Variants in TMEM38B observed in about 807,000 individuals in gnomAD.
TMEM38B encodes transmembrane protein 38B.
TMEM38B carries 24 observed loss-of-function variants against 28.7 expected under a neutral mutation model. The observed-to-expected ratio is 0.84, with a 90% confidence interval of 0.61 to 1.18. The LOEUF (loss-of-function observed/expected upper bound fraction) is 1.18. Among genes scored for constraint, TMEM38B ranks in the 50% most tolerant of loss-of-function variants. The pLI, the probability that TMEM38B is intolerant of heterozygous loss-of-function variation, is 0.00. For missense variants in TMEM38B, 380 were observed against 350.9 expected, an observed-to-expected ratio of 1.08 and a Z score of -0.66; for synonymous variants, 131 against 127.7, an observed-to-expected ratio of 1.03 and a Z score of -0.17.
chr9:105,762,400 CT>C (rs1185708148), intron 5 of TMEM38B, among the ~76,000 whole-genome samples: 106 of 115,228 alleles, frequency 9.2e-4, no homozygotes, highest in African/African-American at 3.2e-3. Flanking sequence ...AATGCTATCC[CT>C]CCCCCCTCCC....
At chr9:105,732,447 A>G (rs1836785525) in intron 4 of TMEM38B, among the ~76,000 whole-genome samples, 2 of 152,188 alleles carry the variant, frequency 1.3e-5, no homozygotes, top group South Asian at 4.1e-4. Context: ...TTTAGGTCTA[A>G]CATTTCAGTC....
intron 4 of TMEM38B, among the ~76,000 whole-genome samples, chr9:105,730,616 A>T (rs1363254040): frequency 6.6e-6 from 1 of 152,142 alleles, no homozygotes; most frequent in African/African-American, 2.4e-5. Flanking sequence ...TTTTCTGTTG[A>T]TTAGAATAGT....
At chr9:105,761,841 G>A (rs944710724) in intron 5 of TMEM38B, among the ~76,000 whole-genome samples, 2 of 152,126 alleles carry the variant, frequency 1.3e-5, no homozygotes, top group Admixed American at 1.3e-4. Context: ...CCAACTGTGA[G>A]AATCAATGTC....
chr9:105,760,154 A>G (rs1347037384), intron 5 of TMEM38B: 2 of 885,826 alleles, frequency 2.3e-6, no homozygotes, highest in Non-Finnish European at 3.8e-6. Flanking sequence ...CCGCCACCAA[A>G]TTGTAGAAAG....
At chr9:105,746,356 A>G (rs1352607414) in intron 4 of TMEM38B, among the ~76,000 whole-genome samples, 2 of 152,110 alleles carry the variant, frequency 1.3e-5, no homozygotes, top group Non-Finnish European at 2.9e-5. Context: ...ATGGGAGTTC[A>G]CTCATGATTT....
At position 105,748,050 on chromosome 9, in the gene TMEM38B, T is replaced by C. The variant is rs562728700; in HGVS notation, c.543-23T>C. On this transcript the variant is annotated intron_variant, in intron 4 of 5. Coordinates refer to ENST00000374692, the MANE Select transcript of TMEM38B (RefSeq NM_018112.3). ...ATATGTCATATTTATTACTTGCTGA[T>C]TTAAAATGTGTTTTATTTTCAGCCC... 6.6e-6 allele frequency: 10 copies of C among 1,505,886 alleles called. No homozygotes were observed. The South Asian group carries it at 1.0e-4, about 15-fold the overall frequency. 93.3% of individuals were successfully genotyped at this position (1,505,886 alleles called of 1,614,324 possible). A position where few individuals can be genotyped will look rare whatever the true frequency, so the allele number is the denominator to read the frequency against.
At chr9:105,742,555 A>AT (rs1837244549) in intron 4 of TMEM38B, among the ~76,000 whole-genome samples, 1 of 152,212 alleles carries the variant, frequency 6.6e-6, no homozygotes. Context: ...AAGCATAAGA[A>AT]TTTTCTAAAT....
At chr9:105,765,898 T>G (rs1001438689) in intron 5 of TMEM38B, among the ~76,000 whole-genome samples, 1 of 151,962 alleles carries the variant, frequency 6.6e-6, no homozygotes, top group Non-Finnish European at 1.5e-5. Context: ...GCCGCATGGG[T>G]TCAAGTGATT....
Position 105,748,095 on chromosome 9 carries a change from G to T in TMEM38B, c.565G>T (p.Gly189Trp). Residue 189 changes from glycine (G) to tryptophan (W), a missense_variant, in exon 5 of 6, where the codon GGG becomes TGG. Gly to Trp is a radical substitution (Grantham distance 184, BLOSUM62 -2). Transcript: ENST00000374692. ...MSYPAKVTLL[G>W]SVIFTFQHTQ... ...CAGCCCTGCCAAGGTAACCCTGCTGGGGTCAGTTATCTTCACATTCCAGCA... is the reference window on the plus strand; with the variant it reads ...CAGCCCTGCCAAGGTAACCCTGCTGTGGTCAGTTATCTTCACATTCCAGCA... 1.2e-6 allele frequency: 2 copies of T among 1,613,204 alleles called. No individual in the cohort carries two copies. Among genetic ancestry groups the T allele is most frequent in the African/African-American group, 1.3e-5 (1 of 74,982 alleles).
At position 105,741,719 on chromosome 9, in the gene TMEM38B, A is replaced by T. The variant is rs562759271; in HGVS notation, c.543-6354A>T. On this transcript the variant is annotated intron_variant, in intron 4 of 5. Coordinates refer to ENST00000374692, the MANE Select transcript of TMEM38B (RefSeq NM_018112.3). ...ACAGCCTGGTTTCTTCCTGATGCTT[A>T]TAATAAAGTGCAAGAGGAAAGAGTT... is the stretch of plus-strand genomic sequence containing the variant. Among the ~76,000 whole-genome samples the T allele has an allele frequency of 2.0e-5, 3 of 152,338 alleles. No homozygotes were observed. The East Asian group carries it at 5.8e-4, about 29-fold the overall frequency.
chr9:105,694,642 G>T lies in TMEM38B; in HGVS notation c.-19G>T. On this transcript the variant is annotated 5_prime_UTR_variant, in exon 1 of 6. Coordinates refer to ENST00000374692, the MANE Select transcript of TMEM38B (RefSeq NM_018112.3). ...ACCAGTAGCCGCGGCTGCTTCGGTT[G>T]CCGCGGTCGGTGGTCGTTATGGATT... 6.2e-7 allele frequency: 1 copy of T among 1,606,926 alleles called. No homozygotes were observed. Among genetic ancestry groups the T allele is most frequent in the Non-Finnish European group, 8.5e-7 (1 of 1,173,994 alleles).
intron 4 of TMEM38B, among the ~76,000 whole-genome samples, chr9:105,735,379 G>A (rs1398938857): frequency 6.6e-6 from 1 of 152,136 alleles, no homozygotes; most frequent in Non-Finnish European, 1.5e-5. Context: ...TACTTCTAGT[G>A]GTGAATTATA....
rs1427851259 is a variant in TMEM38B at position 105,722,618 on chromosome 9, C to T, written c.539C>T (p.Ser180Leu). 4 of 1,612,238 alleles carry T rather than the reference C, an allele frequency of 2.5e-6. No homozygotes were observed. Among genetic ancestry groups the T allele is most frequent in the Non-Finnish European group, 3.4e-6 (4 of 1,178,580 alleles). The change falls in exon 4 of 6, where the codon TCA (serine) becomes TTA (leucine). Residue 180 changes from serine to leucine, a missense_variant. Ser to Leu is a moderately radical substitution (Grantham distance 145). Coordinates refer to ENST00000374692, the MANE Select transcript of TMEM38B (RefSeq NM_018112.3). Reference sequence around the variant, plus strand: ...GAAGGTGATGAATGGCTGAAGATGTCATAGTAAGTTGGTATAAATTATACT... The same window carrying T: ...GAAGGTGATGAATGGCTGAAGATGTTATAGTAAGTTGGTATAAATTATACT... Reference protein sequence around the residue: ...KPEGDEWLKMSYPAKVTLLGS... With the variant: ...KPEGDEWLKMLYPAKVTLLGS...
At chr9:105,768,106 AT>A (rs1826432601) in intron 5 of TMEM38B, among the ~76,000 whole-genome samples, 1 of 151,994 alleles carries the variant, frequency 6.6e-6, no homozygotes, top group Non-Finnish European at 1.5e-5. Context: ...GTTCTCTTTT[AT>A]TTCTAGTTTG....
chr9:105,727,090 C>G (rs2052764561), intron 4 of TMEM38B, among the ~76,000 whole-genome samples: 1 of 152,068 alleles, frequency 6.6e-6, no homozygotes, highest in Admixed American at 6.6e-5. Flanking sequence ...ACAGTCTACC[C>G]ATTTAACAAA....
At chr9:105,729,699 C>T (rs1233540585) in intron 4 of TMEM38B, among the ~76,000 whole-genome samples, 1 of 152,158 alleles carries the variant, frequency 6.6e-6, no homozygotes, top group Non-Finnish European at 1.5e-5. Context: ...AATATTGATT[C>T]TTCCTACCCA....
intron 4 of TMEM38B, among the ~76,000 whole-genome samples, chr9:105,743,363 G>C (rs1837272968): frequency 6.6e-6 from 1 of 152,160 alleles, no homozygotes; most frequent in African/African-American, 2.4e-5. Context: ...TCAGTCCTTA[G>C]CTTGCAATAA....
chr9:105,701,190 G>T (rs895173454), intron 1 of TMEM38B: 1 of 152,056 alleles, frequency 6.6e-6, no homozygotes, highest in Non-Finnish European at 1.5e-5. Flanking sequence ...TTAAATAATG[G>T]TATTTTCTAT....
At chr9:105,770,558 A>G (rs1279988979) in intron 5 of TMEM38B, among the ~76,000 whole-genome samples, 1 of 152,138 alleles carries the variant, frequency 6.6e-6, no homozygotes, top group Admixed American at 6.6e-5. Context: ...ACATTTGTAA[A>G]AATGTAAACC....
Sources: gnomAD v4.1 joint callset for allele counts (sites outside exome capture counted in the v4.1 genomes callset) on GRCh38, gnomAD v4.1.1 for gene constraint, MANE v1.5 for transcripts, NCBI Gene and HGNC (gene_info 2026-07-23, HGNC 2026-07-21) for gene names.